The following DAB1 variants were observed in gnomAD, a reference collection of about 807,000 sequenced individuals.
The protein encoded by DAB1 is DAB adaptor protein 1.
In DAB1, 15 loss-of-function variants were observed where a neutral mutation model predicts 64.6. The ratio of observed to expected loss-of-function variants is 0.23; its 90% confidence interval spans 0.16 to 0.36. DAB1 has a LOEUF of 0.36. DAB1 is among the 10% of genes least tolerant of loss of function. The pLI, the probability that DAB1 is intolerant of heterozygous loss-of-function variation, is 1.00. For missense variants in DAB1, 596 were observed against 706.7 expected, an observed-to-expected ratio of 0.84 and a Z score of 1.78; for synonymous variants, 235 against 251.9, an observed-to-expected ratio of 0.93 and a Z score of 0.64.
At chr1:58,451,191 G>A (rs1645132261) in intron 3 of DAB1, among the ~76,000 whole-genome samples, 1 of 152,164 alleles carries the variant, frequency 6.6e-6, no homozygotes, top group Non-Finnish European at 1.5e-5. Context: ...CTAGACTCAA[G>A]CAATCCTCCC....
At chr1:57,132,888 A>G (rs993568619) in intron 4 of DAB1, among the ~76,000 whole-genome samples, 4 of 152,168 alleles carry the variant, frequency 2.6e-5, no homozygotes, top group South Asian at 2.1e-4. Context: ...CTGCTCTAAT[A>G]TAGATAAAAG....
chr1:57,578,329 C>T (rs1460187537), intron 7 of DAB1, among the ~76,000 whole-genome samples: 1 of 152,184 alleles, frequency 6.6e-6, no homozygotes, highest in Non-Finnish European at 1.5e-5. Context: ...ATAGCCAGGC[C>T]AAAGCTTCTG....
At chr1:57,900,224 G>A (rs1302537751) in intron 5 of DAB1, among the ~76,000 whole-genome samples, 1 of 152,154 alleles carries the variant, frequency 6.6e-6, no homozygotes, top group Non-Finnish European at 1.5e-5. Flanking sequence ...GCTATTAGGG[G>A]AAAATTGCAG....
intron 2 of DAB1, among the ~76,000 whole-genome samples, chr1:57,158,238 A>T (rs535553596): frequency 1.3e-5 from 2 of 152,252 alleles, no homozygotes; most frequent in African/African-American, 4.8e-5. Context: ...ATTTTACATT[A>T]AGCATCAGTG....
At chr1:57,565,547 C>G (rs766910763) in intron 7 of DAB1, among the ~76,000 whole-genome samples, 1 of 152,000 alleles carries the variant, frequency 6.6e-6, no homozygotes, top group African/African-American at 2.4e-5. Context: ...TGCAGAGACA[C>G]AAGTAGGCTC....
chr1:58,074,564 G>GTGTGTGTGTGTATATATATATATATATA (rs1332531604), intron 5 of DAB1: 1 of 91,630 alleles, frequency 1.1e-5, no homozygotes, highest in African/African-American at 4.4e-5. Context: ...ATATATGTGT[G>GTGTGTGTGTGTATATATATATATATATA]TATATATATA....
chr1:58,373,618 T>C (rs910725045), intron 3 of DAB1, among the ~76,000 whole-genome samples: 1 of 152,144 alleles, frequency 6.6e-6, no homozygotes, highest in Non-Finnish European at 1.5e-5. Context: ...TTGTGAATAA[T>C]GCCGCAATAA....
chr1:57,029,268 G>A (rs1358737996), intron 9 of DAB1, among the ~76,000 whole-genome samples: 1 of 152,222 alleles, frequency 6.6e-6, no homozygotes, highest in East Asian at 1.9e-4. Context: ...GTCTACGGGT[G>A]CACAGAAGTC....
intron 3 of DAB1, 58 bp downstream of exon 3, chr1:57,145,232 T>C: frequency 6.4e-7 from 1 of 1,551,944 alleles, no homozygotes. Context: ...TGGTAATCAC[T>C]TCTTTTCCTC....
intron 9 of DAB1, among the ~76,000 whole-genome samples, chr1:57,058,760 A>G (rs1005091121): frequency 4.6e-5 from 7 of 152,372 alleles, no homozygotes; most frequent in African/African-American, 7.2e-5. Flanking sequence ...AAGGTCACAT[A>G]GCCAGTAATG....
At chr1:57,170,728 T>A (rs1191930481) in intron 2 of DAB1, among the ~76,000 whole-genome samples, 1 of 152,158 alleles carries the variant, frequency 6.6e-6, no homozygotes, top group Non-Finnish European at 1.5e-5. Flanking sequence ...ATGTTCTTTT[T>A]ATTCCTGAAA....
intron 5 of DAB1, among the ~76,000 whole-genome samples, chr1:58,141,117 AG>A (rs2100714848): frequency 6.6e-6 from 1 of 152,310 alleles, no homozygotes; most frequent in East Asian, 1.9e-4. Context: ...ACATGGCCAG[AG>A]CAAGAGCGAG....
chr1:58,095,998 G>A (rs1164418463), intron 5 of DAB1, among the ~76,000 whole-genome samples: 2 of 152,148 alleles, frequency 1.3e-5, no homozygotes, highest in African/African-American at 4.8e-5. Context: ...CAGGTGGTGG[G>A]GGCTCTACCC....
chr1:57,981,043 A>C (rs1447698050), intron 5 of DAB1, among the ~76,000 whole-genome samples: 1 of 152,094 alleles, frequency 6.6e-6, no homozygotes, highest in African/African-American at 2.4e-5. Context: ...ATGCTTAAAA[A>C]TACATAAATA....
At chr1:57,009,699 G>A (rs765580481) in intron 14 of DAB1, among the ~76,000 whole-genome samples, 1 of 152,124 alleles carries the variant, frequency 6.6e-6, no homozygotes, top group Admixed American at 6.5e-5. Context: ...AAACTAAGAA[G>A]GTATCTGAAA....
intron 4 of DAB1, among the ~76,000 whole-genome samples, chr1:58,168,397 A>G (rs989433787): frequency 6.6e-6 from 1 of 152,128 alleles, no homozygotes; most frequent in Non-Finnish European, 1.5e-5. Flanking sequence ...CGTCTATGCT[A>G]TCTATCCTGA....
chr1:57,847,159 T>A (rs140074261), intron 1 of DAB1, among the ~76,000 whole-genome samples: 4 of 152,282 alleles, frequency 2.6e-5, no homozygotes, highest in Middle Eastern at 3.4e-3. Flanking sequence ...ACTTCCATGC[T>A]CAGTGGCCTG....
At chr1:57,774,746 G>T (rs1649714430) in intron 6 of DAB1, among the ~76,000 whole-genome samples, 3 of 151,612 alleles carry the variant, frequency 2.0e-5, no homozygotes, top group South Asian at 2.1e-4. Flanking sequence ...TTGTGTTCTG[G>T]ATATAAACTC....
intron 5 of DAB1, among the ~76,000 whole-genome samples, chr1:58,030,065 GTGT>G (rs1646949211): frequency 6.6e-6 from 1 of 152,018 alleles, no homozygotes; most frequent in South Asian, 2.1e-4. Context: ...AATTAGCCAG[GTGT>G]TGTGGCAGGT....
Sources: allele counts gnomAD v4.1 joint callset (sites outside exome capture counted in the v4.1 genomes callset), GRCh38; gene constraint gnomAD v4.1.1; transcripts MANE v1.5; gene names NCBI Gene and HGNC (gene_info 2026-07-23, HGNC 2026-07-21).